The following QKI variants were observed in gnomAD, a reference collection of about 807,000 sequenced individuals.
QKI encodes QKI, KH domain containing RNA binding, also known as KH domain-containing RNA-binding protein QKI.
In QKI, 10 loss-of-function variants were observed where a neutral mutation model predicts 39.0. The observed-to-expected ratio is 0.26, with a 90% CI of 0.16 to 0.43. The LOEUF (loss-of-function observed/expected upper bound fraction) is 0.43, where lower values mean the gene tolerates loss of function less well. QKI is among the 20% of genes least tolerant of loss of function. The pLI, the probability that QKI is intolerant of heterozygous loss-of-function variation, is 1.00. For missense variants in QKI, 218 were observed against 428.0 expected (o/e 0.51, Z 4.33); for synonymous variants, 204 against 155.4 (o/e 1.31, Z -2.33).
intron 3 of QKI, among the ~76,000 whole-genome samples, chr6:163,512,705 A>G (rs1177228520): frequency 1.3e-5 from 2 of 152,132 alleles, no homozygotes; most frequent in African/African-American, 2.4e-5. Flanking sequence ...ATTATTTTAA[A>G]GTGTACATGG....
At chr6:163,549,599 CT>C (rs1374690061) in intron 4 of QKI, among the ~76,000 whole-genome samples, 1 of 152,138 alleles carries the variant, frequency 6.6e-6, no homozygotes, top group Non-Finnish European at 1.5e-5. Flanking sequence ...GTAATCTCAG[CT>C]ACTCCGAAAG....
intron 6 of QKI, chr6:163,565,260 G>T (rs1344943046): frequency 1.2e-5 from 12 of 986,450 alleles, no homozygotes; most frequent in Non-Finnish European, 1.3e-5. Flanking sequence ...GTGGTCCCGT[G>T]CATGCTCCTT....
In QKI at chr6:163,467,744, C is replaced by T. The variant is rs555904761; in HGVS notation, c.286-11036C>T. ...TGAAGGTAACAAGGCATAAGATGCT[C>T]GTTTTCCCTCAAAACACAAGACATT... On this transcript the variant is annotated intron_variant, in intron 2 of 7. Coordinates refer to ENST00000361752, the MANE Select transcript of QKI (RefSeq NM_006775.3). 4.7e-4 allele frequency among the ~76,000 whole-genome samples: 71 copies of T among 152,270 alleles called. No homozygotes were observed. The South Asian group carries it at 5.2e-3, about 11-fold the overall frequency.
chr6:163,508,094 A>G (rs779547420), intron 3 of QKI, among the ~76,000 whole-genome samples: 1 of 152,182 alleles, frequency 6.6e-6, no homozygotes, highest in Non-Finnish European at 1.5e-5. Context: ...AGCAATAGAA[A>G]TGTTCCATTG....
chr6:163,546,463 G>C (rs1471172124), intron 4 of QKI, among the ~76,000 whole-genome samples: 2 of 151,786 alleles, frequency 1.3e-5, no homozygotes, highest in Non-Finnish European at 2.9e-5. Context: ...CCACATTTCA[G>C]ATGTTTCAGT....
At chr6:163,457,071 CCAATTGGGGT>C (rs548306459) in intron 2 of QKI, among the ~76,000 whole-genome samples, 57 of 151,974 alleles carry the variant, frequency 3.8e-4, no homozygotes, top group Non-Finnish European at 6.3e-4. Context: ...GGCAGCTGTT[CCAATTGGGGT>C]CTACTGCTGT....
chr6:163,532,203 T>C (rs182634637), intron 3 of QKI, among the ~76,000 whole-genome samples: 3 of 152,366 alleles, frequency 2.0e-5, no homozygotes, highest in Admixed American at 6.5e-5. Context: ...ATTCTTAAGC[T>C]TTTCTCAAAA....
intron 1 of QKI, among the ~76,000 whole-genome samples, chr6:163,451,624 C>T (rs1790564303): frequency 6.6e-6 from 1 of 152,122 alleles, no homozygotes; most frequent in Non-Finnish European, 1.5e-5. Flanking sequence ...ATAGAAAATA[C>T]ATGCCTGGGG....
intron 4 of QKI, among the ~76,000 whole-genome samples, chr6:163,554,996 G>T (rs1782495818): frequency 6.6e-6 from 1 of 152,174 alleles, no homozygotes; most frequent in Non-Finnish European, 1.5e-5. Context: ...TCTTCTGTCT[G>T]CCAAAGCTGT....
At chr6:163,554,973 A>G (rs1782494782) in intron 4 of QKI, among the ~76,000 whole-genome samples, 1 of 152,202 alleles carries the variant, frequency 6.6e-6, no homozygotes, top group South Asian at 2.1e-4. Context: ...TAAGTCAATC[A>G]AATTATCTGT....
At chr6:163,501,525 G>C (rs1009213843) in intron 3 of QKI, among the ~76,000 whole-genome samples, 24 of 152,296 alleles carry the variant, frequency 1.6e-4, no homozygotes, top group South Asian at 1.5e-3. Flanking sequence ...GGAGGAGGGA[G>C]AACCCCGTTC....
intron 4 of QKI, among the ~76,000 whole-genome samples, chr6:163,553,795 C>G (rs1193487660): frequency 6.6e-6 from 1 of 152,064 alleles, no homozygotes; most frequent in Non-Finnish European, 1.5e-5. Flanking sequence ...ACATATTGTC[C>G]TAAGGTACAA....
intron 4 of QKI, among the ~76,000 whole-genome samples, chr6:163,553,652 A>G (rs1433190245): frequency 2.0e-5 from 3 of 152,150 alleles, no homozygotes; most frequent in South Asian, 2.1e-4. Flanking sequence ...TACTATTACT[A>G]TTAATAAAAT....
chr6:163,483,560 A>G (rs1793244852), intron 3 of QKI, among the ~76,000 whole-genome samples: 2 of 152,186 alleles, frequency 1.3e-5, no homozygotes, highest in South Asian at 2.1e-4. Flanking sequence ...TCAAGAAATC[A>G]CTTTCTCTGC....
chr6:163,562,079 A>G lies in QKI; in HGVS notation c.634+10A>G. ...GCCAACATTAAATCACGTAAGAATGAGCTCTGAGGCCCAGGGTTACTGCTG... is the reference window on the plus strand; with the variant it reads ...GCCAACATTAAATCACGTAAGAATGGGCTCTGAGGCCCAGGGTTACTGCTG... On this transcript the variant is annotated intron_variant, in intron 5 of 7. Coordinates refer to ENST00000361752, the MANE Select transcript of QKI (RefSeq NM_006775.3). 6.2e-7 allele frequency: 1 copy of G among 1,605,398 alleles called. No homozygotes were observed. Among genetic ancestry groups the G allele is most frequent in the East Asian group, 2.2e-5 (1 of 44,664 alleles).
chr6:163,566,329 G>A, intron 6 of QKI: 1 of 1,188,888 alleles, frequency 8.4e-7, no homozygotes, highest in African/African-American at 1.6e-5. Flanking sequence ...AACTCTTGAA[G>A]TGGTCTTAAG....
In QKI at chr6:163,569,472, C is replaced by T. The variant is rs544326914; in HGVS notation, c.1010-1222C>T. The T allele has an allele frequency of 4.1e-5, 53 of 1,278,456 alleles. No individual in the cohort carries two copies. In the African/African-American group the frequency reaches 6.6e-4, roughly 16 times the overall value. The allele number at this position is 1,278,456 out of a possible 1,614,324, so 79.2% of individuals were successfully genotyped here. A position where few individuals can be genotyped will look rare whatever the true frequency, so the allele number is the denominator to read the frequency against. ...CAACAGTACAGAAAATTCTATCAAA[C>T]CTCAGAATATAGTAGAAATAATTAA... On this transcript the variant is annotated intron_variant, in intron 7 of 7. Coordinates refer to ENST00000361752, the MANE Select transcript of QKI (RefSeq NM_006775.3).
At chr6:163,507,167 T>A (rs1779152486) in intron 3 of QKI, among the ~76,000 whole-genome samples, 2 of 152,330 alleles carry the variant, frequency 1.3e-5, no homozygotes, top group Non-Finnish European at 2.9e-5. Context: ...TGTTTCTGGT[T>A]GCAGGAGGAC....
intron 6 of QKI, chr6:163,566,045 G>T: frequency 6.3e-7 from 1 of 1,579,630 alleles, no homozygotes; most frequent in Non-Finnish European, 8.6e-7. Flanking sequence ...GCAGCCTCCG[G>T]GGGAAAAAAG....
Sources: allele counts gnomAD v4.1 joint callset (sites outside exome capture counted in the v4.1 genomes callset), GRCh38; gene constraint gnomAD v4.1.1; transcripts MANE v1.5; gene names NCBI Gene and HGNC (gene_info 2026-07-23, HGNC 2026-07-21).